Variants in SRRM2 observed in about 807,000 individuals in gnomAD.
The protein encoded by SRRM2 is serine/arginine repetitive matrix protein 2.
A neutral mutation model predicts 213.8 loss-of-function variants in SRRM2; 30 were observed. That is an observed-to-expected ratio of 0.14 (90% confidence interval 0.10 to 0.19). The LOEUF (loss-of-function observed/expected upper bound fraction) is 0.19, where lower values mean the gene tolerates loss of function less well. Ranked by LOEUF, SRRM2 falls within the 10% of genes least tolerant of loss-of-function variation. The pLI is 1.00. For missense variants in SRRM2, 4,904 were observed against 3,647.0 expected (o/e 1.34, Z -8.88); for synonymous variants, 2,025 against 1,377.7 (o/e 1.47, Z -10.40).
rs1176482412 is a variant in SRRM2, at chr16:2,767,345, C to T, written c.6817C>T (p.Pro2273Ser). 6.2e-7 allele frequency: 1 copy of T among 1,613,782 alleles called. No homozygotes were observed. The highest frequency in any genetic ancestry group is 8.5e-7 in the Non-Finnish European group (1 of 1,180,022). The part of the protein sequence containing the change: ...AAAAAMNLAS[P>S]RTAVAPSAVN... The stretch of plus-strand genomic sequence containing the variant: ...AGCAGCGGCCATGAACTTGGCCAGC[C>T]CCAGAACAGCGGTGGCACCTTCGGC... The change falls in exon 11 of 15, where the codon CCC (proline) becomes TCC (serine). Residue 2273 changes from proline to serine, a missense_variant. Transcript: ENST00000301740.
chr16:2,753,546 A>G (rs2068022201), intron 1 of SRRM2: 1 of 152,080 alleles, frequency 6.6e-6, no homozygotes, highest in African/African-American at 2.4e-5. Context: ...TTCCCTTTTT[A>G]CACTTTTTCA....
At chr16:2,758,808 T>G in intron 5 of SRRM2, 177 bp from the exon 6 acceptor site, 1 of 737,710 alleles carries the variant, frequency 1.4e-6, no homozygotes, top group South Asian at 1.9e-5. Context: ...TTTGTTGACT[T>G]AAGGAGTTAC....
Position 2,760,059 on chromosome 16 carries a change from G to A in SRRM2, c.834-242G>A. 5.2e-6 allele frequency: 3 copies of A among 576,560 alleles called. No individual in the cohort carries two copies. In the South Asian group the frequency reaches 6.1e-5, roughly 12 times the overall value. 35.7% of individuals were successfully genotyped at this position (576,560 alleles called of 1,614,324 possible). On this transcript the variant is annotated intron_variant, in intron 9 of 14. Coordinates refer to ENST00000301740, the MANE Select transcript of SRRM2 (RefSeq NM_016333.4). ...GAGTGGGCTGGGTGGATGGTTTGGG[G>A]ATGTTTGGGGGAGGTGAGTAAAGGG...
At position 2,763,149 on chromosome 16, in the gene SRRM2, A is replaced by G. The variant is rs1490288692; in HGVS notation, c.2621A>G (p.Glu874Gly). Reference protein sequence around the residue: ...SVTPQRRSCFESSPDPELKSR... With the variant: ...SVTPQRRSCFGSSPDPELKSR... ...ACGCCACAGAGACGGAGCTGTTTTG[A>G]ATCATCACCTGACCCTGAGTTGAAA... The change falls in exon 11 of 15, where the codon GAA (glutamate) becomes GGA (glycine). Residue 874 changes from glutamate (E) to glycine (G), a missense_variant. Transcript: ENST00000301740. The G allele has an allele frequency of 1.6e-5, 26 of 1,614,076 alleles. No individual in the cohort carries two copies. Among genetic ancestry groups the G allele is most frequent in the Non-Finnish European group, 2.2e-5 (26 of 1,180,002 alleles).
Position 2,764,433 on chromosome 16 carries a change from C to A in SRRM2, c.3905C>A (p.Ala1302Asp). 1.2e-6 allele frequency: 2 copies of A among 1,612,834 alleles called. No individual in the cohort carries two copies. Among genetic ancestry groups the A allele is most frequent in the Non-Finnish European group, 8.5e-7 (1 of 1,179,650 alleles). ...GAAGCAGTAGAAGTCCCTTCAATGGCCTCATCTTGGGGTGGGCCACATTTT... is the reference window on the plus strand; with the variant it reads ...GAAGCAGTAGAAGTCCCTTCAATGGACTCATCTTGGGGTGGGCCACATTTT... ...SLEAVEVPSMASSWGGPHFSP... is the reference protein window; with the variant it reads ...SLEAVEVPSMDSSWGGPHFSP... The change falls in exon 11 of 15, where the codon GCC (alanine) becomes GAC (aspartate). Residue 1302 changes from alanine to aspartate, a missense_variant. By Grantham distance (126) the Ala-to-Asp change is moderately radical (BLOSUM62 -2). Coordinates refer to ENST00000301740, the MANE Select transcript of SRRM2 (RefSeq NM_016333.4).
At chr16:2,756,630 C>G (rs771616310) in intron 2 of SRRM2, 24 bp downstream of exon 2, 4 of 1,599,682 alleles carry the variant, frequency 2.5e-6, no homozygotes, top group Non-Finnish European at 3.4e-6. Flanking sequence ...GGGGGAGAGT[C>G]AAGCACTGAA....
Position 2,752,718 on chromosome 16 carries a change from C to T in SRRM2, c.-160C>T, listed in dbSNP as rs977841188. ...TGCGGCCCCTGAGGAAGCGAGGAGGCGTCGGCGTCGGCTGAGGCGGGCGGA... is the reference window on the plus strand; with the variant it reads ...TGCGGCCCCTGAGGAAGCGAGGAGGTGTCGGCGTCGGCTGAGGCGGGCGGA... On this transcript the variant is annotated 5_prime_UTR_variant, in exon 1 of 15. Transcript: ENST00000301740. The T allele has an allele frequency of 1.4e-5, 5 of 356,958 alleles. No homozygotes were observed. Among genetic ancestry groups the T allele is most frequent in the South Asian group, 5.6e-5 (3 of 53,782 alleles). The allele number at this position is 356,958 out of a possible 1,614,324, so 22.1% of individuals were successfully genotyped here.
Position 2,770,436 on chromosome 16 carries a change from G to A in SRRM2, c.8106G>A (p.Ser2702=), listed in dbSNP as rs547328460. The change falls in exon 13 of 15, where the codon TCG becomes TCA. Residue 2702 remains serine (S), a synonymous_variant. Coordinates refer to ENST00000301740, the MANE Select transcript of SRRM2 (RefSeq NM_016333.4). ...SYSPVERRRP[S]PQPSPRDQQS... ...CGCCTGTGGAGCGTCGCCGTCCCTC[G>A]CCCCAGCCCTCACCACGGGACCAGC... The A allele has an allele frequency of 2.3e-5, 37 of 1,610,046 alleles. No individual in the cohort carries two copies. Among genetic ancestry groups the A allele is most frequent in the East Asian group, 2.0e-4 (9 of 44,746 alleles).
At position 2,757,592 on chromosome 16, in the gene SRRM2, C is replaced by T; in HGVS notation, c.350+13C>T. On this transcript the variant is annotated intron_variant, in intron 3 of 14. Coordinates refer to ENST00000301740, the MANE Select transcript of SRRM2 (RefSeq NM_016333.4). Reference sequence around the variant, plus strand: ...GGCAGAGGCCAGCGTGAGTGTTGCGCTCTCCCTCGATGACTCTGGACTCTA... The same window carrying T: ...GGCAGAGGCCAGCGTGAGTGTTGCGTTCTCCCTCGATGACTCTGGACTCTA... The T allele has an allele frequency of 1.2e-6, 2 of 1,610,122 alleles. No individual in the cohort carries two copies. The highest frequency in any genetic ancestry group is 3.3e-4 in the Middle Eastern group (2 of 6,012).
In SRRM2 at chr16:2,757,517, C is replaced by T; in HGVS notation, c.288C>T (p.Leu96=). 6.2e-7 allele frequency: 1 copy of T among 1,614,078 alleles called. No homozygotes were observed. Among genetic ancestry groups the T allele is most frequent in the Non-Finnish European group, 8.5e-7 (1 of 1,180,006 alleles). The part of the protein sequence containing the change: ...QIQEKVATFR[L]MLLEKDVNPG... ...AGGAAAAAGTGGCGACCTTTCGACT[C>T]ATGTTGCTGGAGAAGGATGTGAACC... Residue 96 remains leucine (L), a synonymous_variant, in exon 3 of 15, where the codon CTC becomes CTT. Coordinates refer to ENST00000301740, the MANE Select transcript of SRRM2 (RefSeq NM_016333.4).
Position 2,766,453 on chromosome 16 carries a change from G to C in SRRM2, c.5925G>C (p.Ser1975=). ...VTRRRSRSRT[S]PITRRRSRSR... is the part of the protein sequence containing the mutation. ...GGAGGCGATCTCGAAGCAGAACTTC[G>C]CCTATCACTCGCAGAAGATCAAGAT... The change falls in exon 11 of 15, where the codon TCG becomes TCC. Residue 1975 remains serine, a synonymous_variant. Transcript: ENST00000301740. The surrounding 1 kb of genome is among the most constrained non-coding windows in gnomAD (Gnocchi z 7.0). 6.2e-7 allele frequency: 1 copy of C among 1,613,754 alleles called. No individual in the cohort carries two copies. Among genetic ancestry groups the C allele is most frequent in the Non-Finnish European group, 8.5e-7 (1 of 1,179,980 alleles).
rs1234669314 is a variant in SRRM2 at position 2,765,876 on chromosome 16, GAAC to G, written c.5352_5354del (p.Thr1785del). 3.7e-6 allele frequency: 6 copies of G among 1,613,882 alleles called. No individual in the cohort carries two copies. The highest frequency in any genetic ancestry group is 5.1e-6 in the Non-Finnish European group (6 of 1,179,930). The stretch of plus-strand genomic sequence containing the variant: ...TCCCGCTCAAGGAGAGAGAAAACAA[GAAC>G]AACCCGACGTCGAGATAGGTCTGGA... On this transcript the variant is annotated inframe_deletion, in exon 11 of 15. Transcript: ENST00000301740.
Position 2,756,385 on chromosome 16 carries a change from G to A in SRRM2, c.21G>A (p.Leu7=). The A allele has an allele frequency of 6.2e-7, 1 of 1,607,120 alleles. No individual in the cohort carries two copies. Residue 7 remains leucine, a synonymous_variant, in exon 2 of 15, where the codon CTG becomes CTA. Coordinates refer to ENST00000301740, the MANE Select transcript of SRRM2 (RefSeq NM_016333.4). MYNGIG[L]PTPRGSGTNG... ...GGGCCATGTACAACGGGATCGGGCT[G>A]CCGACGCCCCGGGGCAGCGGCACCA... is the stretch of plus-strand genomic sequence containing the variant.
Position 2,770,438 on chromosome 16 carries a change from C to G in SRRM2, c.8108C>G (p.Pro2703Arg). The G allele has an allele frequency of 6.2e-7, 1 of 1,610,204 alleles. No individual in the cohort carries two copies. The highest frequency in any genetic ancestry group is 8.5e-7 in the Non-Finnish European group (1 of 1,178,490). The change falls in exon 13 of 15, where the codon CCC (proline) becomes CGC (arginine). Residue 2703 changes from proline (P) to arginine (R), a missense_variant. By Grantham distance (103) the Pro-to-Arg change is moderately radical (BLOSUM62 -2). Transcript: ENST00000301740. ...YSPVERRRPS[P>R]QPSPRDQQSS... ...CCTGTGGAGCGTCGCCGTCCCTCGC[C>G]CCAGCCCTCACCACGGGACCAGCAG...
At position 2,754,447 on chromosome 16, in the gene SRRM2, C is replaced by A. The variant is rs148062627; in HGVS notation, c.-32+1601C>A. 2.0e-3 allele frequency among the ~76,000 whole-genome samples: 312 copies of A among 152,262 alleles called. 3 individuals carry two copies. Among genetic ancestry groups the A allele is most frequent in the African/African-American group, 7.1e-3 (294 of 41,544 alleles). Reference sequence around the variant, plus strand: ...TTGCTGAGATTACAGGCAATCGCCGCCGCCCAGCTAATTTTTGTATTTTTG... The same window carrying A: ...TTGCTGAGATTACAGGCAATCGCCGACGCCCAGCTAATTTTTGTATTTTTG... On this transcript the variant is annotated intron_variant, in intron 1 of 14. Coordinates refer to ENST00000301740, the MANE Select transcript of SRRM2 (RefSeq NM_016333.4).
In SRRM2 at chr16:2,766,264, G is replaced by A. The variant is rs945525723; in HGVS notation, c.5736G>A (p.Arg1912=). The A allele has an allele frequency of 2.5e-6, 4 of 1,614,148 alleles. No homozygotes were observed. Among genetic ancestry groups the A allele is most frequent in the Non-Finnish European group, 3.4e-6 (4 of 1,180,036 alleles). ...CTTCAGTGACTCGACGAAGATCCCG[G>A]TCAAGAGCATCCCCAGTGAGCAGAA... ...SRTSVTRRRS[R]SRASPVSRRR... Residue 1912 remains arginine (R), a synonymous_variant, in exon 11 of 15, where the codon CGG becomes CGA. Transcript: ENST00000301740. This position sits in a 1 kb window ranked among gnomAD's most constrained non-coding sequence, Gnocchi z 7.0.
Position 2,765,824 on chromosome 16 carries a change from A to C in SRRM2, c.5296A>C (p.Lys1766Gln). ...AAGGAGAGGCCGCTCTCCTTCGCCA[A>C]AGCCTCGTGGACTCCAGAGGTCCCG... The part of the protein sequence containing the change: ...TSRRGRSPSP[K>Q]PRGLQRSRSR... The change falls in exon 11 of 15, where the codon AAG becomes CAG. Residue 1766 changes from lysine (K) to glutamine (Q), a missense_variant. Lys to Gln is a moderately conservative substitution (Grantham distance 53). Coordinates refer to ENST00000301740, the MANE Select transcript of SRRM2 (RefSeq NM_016333.4). 1 of 1,613,964 alleles carries C rather than the reference A, an allele frequency of 6.2e-7. No homozygotes were observed. The highest frequency in any genetic ancestry group is 8.5e-7 in the Non-Finnish European group (1 of 1,179,990).
intron 2 of SRRM2, 114 bp from the exon 3 acceptor site, chr16:2,757,358 A>T (rs2068181086): frequency 3.0e-5 from 23 of 769,664 alleles, no homozygotes; most frequent in Non-Finnish European, 4.3e-5. Flanking sequence ...GTGAGCGAAA[A>T]GTTCTGTGTG....
Position 2,764,888 on chromosome 16 carries a change from C to G in SRRM2, c.4360C>G (p.Pro1454Ala). ...AGGACTTAGAGATGGGTCTGGGACT[C>G]CCTCGAGGCACAGCCTGTCTGGGTC... ...SPGLRDGSGTPSRHSLSGSSP... is the reference protein window; with the variant it reads ...SPGLRDGSGTASRHSLSGSSP... Residue 1454 changes from proline to alanine, a missense_variant, in exon 11 of 15, where the codon CCC (proline) becomes GCC (alanine). Transcript: ENST00000301740. 1 of 1,614,164 alleles carries G rather than the reference C, an allele frequency of 6.2e-7. No individual in the cohort carries two copies. Among genetic ancestry groups the G allele is most frequent in the African/African-American group, 1.3e-5 (1 of 75,028 alleles).
Sources: gnomAD v4.1 joint callset for allele counts (sites outside exome capture counted in the v4.1 genomes callset) on GRCh38, gnomAD v4.1.1 for gene constraint, Gnocchi (gnomAD v3.1) non-coding constraint, MANE v1.5 for transcripts, NCBI Gene and HGNC (gene_info 2026-07-23, HGNC 2026-07-21) for gene names.